The following IL13RA1 variants were observed in gnomAD, a reference collection of about 807,000 sequenced individuals.
The protein encoded by IL13RA1 is interleukin-13 receptor subunit alpha-1.
In IL13RA1, 14 loss-of-function variants were observed where a neutral mutation model predicts 33.8. That is an observed-to-expected ratio of 0.41 (90% CI 0.27 to 0.65). The LOEUF is 0.65. Ranked by LOEUF, IL13RA1 falls within the 30% of genes least tolerant of loss-of-function variation. The probability of loss-of-function intolerance (pLI) is 0.28; values close to 1 mark genes in which losing one functional copy is unlikely to be tolerated. For missense variants in IL13RA1, 313 were observed against 327.0 expected (o/e 0.96, Z 0.33); for synonymous variants, 116 against 115.7 (o/e 1.00, Z -0.02).
chrX:118,787,445 C>T (rs1287084754), intron 10 of IL13RA1, among the ~76,000 whole-genome samples: 1 of 111,558 alleles, frequency 9.0e-6, no homozygotes, highest in Non-Finnish European at 1.9e-5. Context: ...CAGGGCGAAA[C>T]TAGAATTTCG....
the IL13RA1 span, among the ~76,000 whole-genome samples, chrX:118,804,112 A>G: frequency 9.4e-6 from 1 of 106,875 alleles, no homozygotes; most frequent in African/African-American, 3.4e-5. Flanking sequence ...GCCCGCCACC[A>G]CGCCTGGCTA....
At chrX:118,737,264 T>G (rs958974597) in intron 1 of IL13RA1, among the ~76,000 whole-genome samples, 1 of 112,756 alleles carries the variant, frequency 8.9e-6, no homozygotes, top group Non-Finnish European at 1.9e-5. Flanking sequence ...GGATGAAGGA[T>G]GGGCAGCTAC....
chrX:118,788,518 A>T (rs748014557), intron 10 of IL13RA1, among the ~76,000 whole-genome samples: 2 of 112,005 alleles, frequency 1.8e-5, no homozygotes, highest in East Asian at 5.6e-4. Context: ...GGCTGCTTTC[A>T]TGCTACAACA....
At chrX:118,729,298 C>T (rs958183295) in intron 1 of IL13RA1, among the ~76,000 whole-genome samples, 6 of 112,284 alleles carry the variant, frequency 5.3e-5, no homozygotes, top group Non-Finnish European at 9.4e-5. Flanking sequence ...TTCATCAGTC[C>T]TGTCACAATG....
At chrX:118,736,412 C>T (rs1460876239) in intron 1 of IL13RA1, among the ~76,000 whole-genome samples, 1 of 110,230 alleles carries the variant, frequency 9.1e-6, no homozygotes, top group East Asian at 2.8e-4. Flanking sequence ...AACCAGATTC[C>T]CCCTTCCCCC....
Position 118,774,152 on chromosome X carries a change from CT to C in IL13RA1, c.1106+193del, listed in dbSNP as rs749517738. Among the ~76,000 whole-genome samples, 687 of 95,306 alleles carry C rather than the reference CT, an allele frequency of 7.2e-3. 2 individuals carry two copies. Among genetic ancestry groups the C allele is most frequent in the African/African-American group, 0.019 (504 of 26,190 alleles). The allele number at this position is 95,306 out of a possible 115,157, so 82.8% of individuals were successfully genotyped here. A position where few individuals can be genotyped will look rare whatever the true frequency, so the allele number is the denominator to read the frequency against. On this transcript the variant is annotated intron_variant, in intron 9 of 10. Transcript: ENST00000371666. ...TACCACGCCCACTTTCTTTTCTTTT[CT>C]TTTTTTTTTTTTTTTCCTGAGATGG... is the stretch of plus-strand genomic sequence containing the variant.
At chrX:118,761,022 G>C (rs1355266554) in intron 5 of IL13RA1, 116 bp from the exon 6 acceptor site, 1 of 417,262 alleles carries the variant, frequency 2.4e-6, no homozygotes, top group African/African-American at 2.5e-5. Flanking sequence ...AATATTTTCA[G>C]TTCATGGTTG....
At chrX:118,781,690 A>C (rs2017845675) in intron 10 of IL13RA1, among the ~76,000 whole-genome samples, 1 of 112,706 alleles carries the variant, frequency 8.9e-6, no homozygotes, top group Admixed American at 9.3e-5. Flanking sequence ...GCTTTCCTAC[A>C]TAGCCAAAAT....
intron 1 of IL13RA1, among the ~76,000 whole-genome samples, chrX:118,732,007 T>C (rs2017226821): frequency 8.9e-6 from 1 of 112,425 alleles, no homozygotes; most frequent in Admixed American, 9.4e-5. Context: ...CATTTGGAGA[T>C]TAAAGTTTCA....
chrX:118,785,012 T>C (rs757358140), intron 10 of IL13RA1, among the ~76,000 whole-genome samples: 1 of 111,481 alleles, frequency 9.0e-6, no homozygotes, highest in East Asian at 2.8e-4. Flanking sequence ...CAGTATGTAA[T>C]TTTAGATCTT....
rs1469902756 is a variant in IL13RA1, at chrX:118,730,190, C to G, written c.88+2464C>G. On this transcript the variant is annotated intron_variant, in intron 1 of 10. Transcript: ENST00000371666. ...TTACATGCCTGTAATCCCAGCTACT[C>G]AGGAAGCTGAGGCATGAGACTCATT... is the stretch of plus-strand genomic sequence containing the variant. Among the ~76,000 whole-genome samples, 3 of 111,705 alleles carry G rather than the reference C, an allele frequency of 2.7e-5. No individual in the cohort carries two copies. The East Asian group carries it at 8.4e-4, about 31-fold the overall frequency.
intron 1 of IL13RA1, among the ~76,000 whole-genome samples, chrX:118,730,587 A>G (rs2017205708): frequency 9.0e-6 from 1 of 111,474 alleles, no homozygotes; most frequent in African/African-American, 3.3e-5. Context: ...TGCATTGGTA[A>G]AGTCAATCCA....
chrX:118,799,123 T>C (rs1215435559), downstream of IL13RA1, among the ~76,000 whole-genome samples: 1 of 113,168 alleles, frequency 8.8e-6, no homozygotes, highest in African/African-American at 3.2e-5. Flanking sequence ...GAGGGTGTAC[T>C]GAGTCCCCCA....
At chrX:118,742,774 A>G (rs2147369672) in intron 2 of IL13RA1, among the ~76,000 whole-genome samples, 1 of 111,054 alleles carries the variant, frequency 9.0e-6, no homozygotes, top group South Asian at 3.8e-4. Context: ...TAATAATAGT[A>G]CCAACTGAAT....
At chrX:118,764,170 ACCACCCC>A (rs1215302809) in intron 6 of IL13RA1, among the ~76,000 whole-genome samples, 2 of 82,908 alleles carry the variant, frequency 2.4e-5, no homozygotes, top group Non-Finnish European at 4.7e-5. Context: ...CTTGTCTGTG[ACCACCCC>A]CCACCCCCCA....
At chrX:118,739,389 G>T (rs901403810) in intron 1 of IL13RA1, among the ~76,000 whole-genome samples, 11 of 111,612 alleles carry the variant, frequency 9.9e-5, no homozygotes, top group African/African-American at 3.6e-4. Context: ...AGGGAGGAAG[G>T]TAACAGTATA....
chrX:118,764,223 C>T (rs2017621766), intron 6 of IL13RA1, among the ~76,000 whole-genome samples: 1 of 90,355 alleles, frequency 1.1e-5, no homozygotes, highest in Non-Finnish European at 2.1e-5. Flanking sequence ...TCTTGGTGCC[C>T]TGGCTTTCCT....
chrX:118,760,322 A>G (rs1341026627), intron 5 of IL13RA1, among the ~76,000 whole-genome samples: 1 of 111,982 alleles, frequency 8.9e-6, no homozygotes, highest in Admixed American at 9.5e-5. Flanking sequence ...GGCTTATTTT[A>G]CCTAGCATAA....
At chrX:118,795,924 C>CT (rs1321946288), downstream of IL13RA1, among the ~76,000 whole-genome samples, 2 of 112,223 alleles carry the variant, frequency 1.8e-5, no homozygotes, top group East Asian at 2.8e-4. Context: ...CAAACAAAGT[C>CT]TTTTTTGTAA....
Sources: allele counts gnomAD v4.1 joint callset (sites outside exome capture counted in the v4.1 genomes callset), GRCh38; gene constraint gnomAD v4.1.1; transcripts MANE v1.5; gene names NCBI Gene and HGNC (gene_info 2026-07-23, HGNC 2026-07-21).